The following SLIT2 variants were observed in gnomAD, a reference collection of about 807,000 sequenced individuals.
SLIT2 encodes slit homolog 2 protein.
Under a neutral mutation model 185.7 loss-of-function variants are expected in SLIT2, and 41 were observed. The observed-to-expected ratio is 0.22, with a 90% CI of 0.17 to 0.29. The LOEUF is 0.29. Among genes scored for constraint, SLIT2 ranks in the 10% least tolerant of loss-of-function variants. The pLI, the probability that SLIT2 is intolerant of heterozygous loss-of-function variation, is 1.00. For missense variants in SLIT2, 1,571 were observed against 1,909.0 expected (o/e 0.82, Z 3.30); for synonymous variants, 693 against 680.2 (o/e 1.02, Z -0.29).
At chr4:20,462,579 T>C (rs1713849809) in intron 4 of SLIT2, among the ~76,000 whole-genome samples, 1 of 152,180 alleles carries the variant, frequency 6.6e-6, no homozygotes, top group African/African-American at 2.4e-5. Flanking sequence ...TAGTGTTCTC[T>C]AAAAACATTG....
At chr4:20,406,566 T>A (rs1262188447) in intron 4 of SLIT2, among the ~76,000 whole-genome samples, 1 of 144,072 alleles carries the variant, frequency 6.9e-6, no homozygotes, top group African/African-American at 2.4e-5. Flanking sequence ...AACATTATTA[T>A]CCATCAGGAA....
intron 4 of SLIT2, among the ~76,000 whole-genome samples, chr4:20,404,348 C>T (rs1726599412): frequency 1.3e-5 from 2 of 151,832 alleles, no homozygotes; most frequent in Admixed American, 1.3e-4. Flanking sequence ...GGAAGAGTAG[C>T]ATAGTCATTA....
At position 20,472,589 on chromosome 4, in the gene SLIT2, GAT is replaced by G. The variant is rs376378130; in HGVS notation, c.467+4773_467+4774del. 7.3e-3 allele frequency among the ~76,000 whole-genome samples: 39 copies of G among 5,354 alleles called. 10 individuals carry two copies. The East Asian group carries it at 0.13, about 18-fold the overall frequency. The allele number at this position is 5,354 out of a possible 152,430, so 3.5% of individuals were successfully genotyped here. A position where few individuals can be genotyped will look rare whatever the true frequency, so the allele number is the denominator to read the frequency against. The stretch of plus-strand genomic sequence containing the variant: ...CTATATATAGATATATCTATATATA[GAT>G]ATATATCTATAGATATATCTATATA... On this transcript the variant is annotated intron_variant, in intron 5 of 36. Transcript: ENST00000504154.
chr4:20,291,447 CATATATATATATATATATATATATAT>C (rs1175907591), intron 4 of SLIT2, among the ~76,000 whole-genome samples: 10 of 50,262 alleles, frequency 2.0e-4, no homozygotes, highest in African/African-American at 6.8e-4. Flanking sequence ...TAAGAAACCT[CATATATATATATATATATATATATAT>C]ATATATATAT....
At chr4:20,531,883 T>A in intron 16 of SLIT2, 101 bp from the exon 17 acceptor site, 1 of 633,120 alleles carries the variant, frequency 1.6e-6, no homozygotes, top group South Asian at 2.1e-5. Context: ...TTTATTTTCC[T>A]GGTATCATTA....
In SLIT2 at chr4:20,389,410, T is replaced by C. The variant is rs1278526029; in HGVS notation, c.396-78342T>C. On this transcript the variant is annotated intron_variant, in intron 4 of 36. Coordinates refer to ENST00000504154, the MANE Select transcript of SLIT2 (RefSeq NM_004787.4). The stretch of plus-strand genomic sequence containing the variant: ...TGAGGACTGCTACGCCAGGAGTTGT[T>C]CTTTCTGACATGATAACTAGATAGA... Among the ~76,000 whole-genome samples the C allele has an allele frequency of 2.6e-5, 4 of 152,224 alleles. No individual in the cohort carries two copies. In the East Asian group the frequency reaches 5.8e-4, roughly 22 times the overall value.
intron 4 of SLIT2, among the ~76,000 whole-genome samples, chr4:20,350,202 A>G (rs1721750290): frequency 6.6e-6 from 1 of 152,168 alleles, no homozygotes; most frequent in African/African-American, 2.4e-5. Flanking sequence ...ATAAGCACTG[A>G]GCAGAGCATA....
intron 1 of SLIT2, among the ~76,000 whole-genome samples, chr4:20,256,065 C>G (rs1711789248): frequency 6.6e-6 from 1 of 152,166 alleles, no homozygotes. Flanking sequence ...TTTCACTTTA[C>G]AATCACAGCG....
At chr4:20,260,129 T>TA (rs1712288648) in intron 3 of SLIT2, among the ~76,000 whole-genome samples, 1 of 151,840 alleles carries the variant, frequency 6.6e-6, no homozygotes, top group Non-Finnish European at 1.5e-5. Flanking sequence ...ATTTAAAAAA[T>TA]AAAAACTACA....
chr4:20,415,133 T>A (rs1482261860), intron 4 of SLIT2, among the ~76,000 whole-genome samples: 3 of 152,158 alleles, frequency 2.0e-5, no homozygotes, highest in African/African-American at 7.2e-5. Context: ...TTATACTGGC[T>A]GTGCGCGGTG....
chr4:20,501,048 TGA>T (rs374577165), intron 9 of SLIT2, among the ~76,000 whole-genome samples: 2 of 152,234 alleles, frequency 1.3e-5, no homozygotes, highest in African/African-American at 4.8e-5. Context: ...TATTTTTATG[TGA>T]GTTTAGTAGT....
intron 11 of SLIT2, among the ~76,000 whole-genome samples, chr4:20,518,952 T>G (rs1397003967): frequency 2.6e-5 from 4 of 152,104 alleles, no homozygotes; most frequent in African/African-American, 9.7e-5. Flanking sequence ...TTAACATGCT[T>G]CTTTTTTACT....
intron 4 of SLIT2, among the ~76,000 whole-genome samples, chr4:20,345,842 T>C (rs1282842115): frequency 1.3e-5 from 2 of 152,102 alleles, no homozygotes; most frequent in Admixed American, 6.5e-5. Flanking sequence ...CCTGAAATAC[T>C]TATTTCTATG....
chr4:20,534,104 G>A (rs773154284), intron 18 of SLIT2, among the ~76,000 whole-genome samples: 1 of 152,106 alleles, frequency 6.6e-6, no homozygotes, highest in Non-Finnish European at 1.5e-5. Flanking sequence ...TGACTACCCT[G>A]TCCTGCCTCA....
intron 29 of SLIT2, among the ~76,000 whole-genome samples, chr4:20,578,072 G>C (rs1726221404): frequency 6.6e-6 from 1 of 152,182 alleles, no homozygotes; most frequent in South Asian, 2.1e-4. Context: ...TCTGCTATCA[G>C]TTTTTTAATT....
intron 4 of SLIT2, among the ~76,000 whole-genome samples, chr4:20,374,282 C>T (rs1723830344): frequency 6.6e-6 from 1 of 152,092 alleles, no homozygotes; most frequent in African/African-American, 2.4e-5. Context: ...AAGTGCATGG[C>T]TTAATAATAG....
chr4:20,609,500 A>G (rs749721089), intron 33 of SLIT2, among the ~76,000 whole-genome samples: 20 of 152,192 alleles, frequency 1.3e-4, no homozygotes, highest in Admixed American at 5.2e-4. Context: ...AGATCCCACC[A>G]AGTTGTTTCT....
chr4:20,535,674 G>A (rs973674570), intron 18 of SLIT2, among the ~76,000 whole-genome samples: 5 of 152,090 alleles, frequency 3.3e-5, no homozygotes, highest in South Asian at 2.1e-4. Flanking sequence ...ATGAGGCCTC[G>A]CTTCTGGGCT....
chr4:20,439,898 G>T (rs948014122), intron 4 of SLIT2, among the ~76,000 whole-genome samples: 1 of 152,174 alleles, frequency 6.6e-6, no homozygotes, highest in South Asian at 2.1e-4. Context: ...AGGAGAAAAA[G>T]ACATCATAGA....
Sources: gnomAD v4.1 joint callset for allele counts (sites outside exome capture counted in the v4.1 genomes callset) on GRCh38, gnomAD v4.1.1 for gene constraint, MANE v1.5 for transcripts, NCBI Gene and HGNC (gene_info 2026-07-23, HGNC 2026-07-21) for gene names.